PALM2AKAP2: variants seen among roughly 807,000 people sequenced by gnomAD.
The protein encoded by PALM2AKAP2 is PALM2-AKAP2 fusion protein.
In PALM2AKAP2, 37 loss-of-function variants were observed where a neutral mutation model predicts 71.5. The ratio of observed to expected loss-of-function variants is 0.52; its 90% CI spans 0.40 to 0.68. The LOEUF (loss-of-function observed/expected upper bound fraction) is 0.68. Among genes scored for constraint, PALM2AKAP2 ranks in the 30% least tolerant of loss-of-function variants. The probability of loss-of-function intolerance (pLI) is 0.00; values close to 1 mark genes in which losing one functional copy is unlikely to be tolerated. For missense variants in PALM2AKAP2, 1,224 were observed against 1,191.8 expected, an observed-to-expected ratio of 1.03 and a Z score of -0.40; for synonymous variants, 468 against 478.8, an observed-to-expected ratio of 0.98 and a Z score of 0.29.
At chr9:109,649,985 G>A (rs755338929) in intron 1 of PALM2AKAP2, among the ~76,000 whole-genome samples, 25 of 152,184 alleles carry the variant, frequency 1.6e-4, no homozygotes, top group Non-Finnish European at 3.7e-4. Context: ...GAAGAGAGTG[G>A]CAGGGCAAAT....
rs767656859 is a variant in PALM2AKAP2, at chr9:110,136,515, CT to C, written c.546del (p.Val183SerfsTer80). On this transcript the variant is annotated frameshift_variant, in exon 2 of 4. Coordinates refer to ENST00000374525, the Ensembl canonical transcript of PALM2AKAP2. LOFTEE classifies it high-confidence loss of function. The stretch of plus-strand genomic sequence containing the variant: ...GTTCTGGTGGGCGGCCTAAGCCCCC[CT>C]GTCCACGAGGCGACCCAGCCAGAAC... The C allele has an allele frequency of 3.1e-6, 5 of 1,613,716 alleles. No individual in the cohort carries two copies. Among genetic ancestry groups the C allele is most frequent in the African/African-American group, 1.3e-5 (1 of 74,944 alleles).
chr9:109,796,087 G>T (rs1192425738), intron 1 of PALM2AKAP2, among the ~76,000 whole-genome samples: 1 of 152,218 alleles, frequency 6.6e-6, no homozygotes, highest in Non-Finnish European at 1.5e-5. Flanking sequence ...AGCAAGTTTA[G>T]TGACTTTTAG....
upstream of PALM2AKAP2, among the ~76,000 whole-genome samples, chr9:109,780,113 CA>C (rs1829413074): frequency 6.6e-6 from 1 of 151,116 alleles, no homozygotes; most frequent in African/African-American, 2.4e-5. Flanking sequence ...TCGGGTCCAT[CA>C]CACTCCAGGG....
chr9:109,686,408 A>C (rs1185188478), intron 1 of PALM2AKAP2, among the ~76,000 whole-genome samples: 2 of 152,230 alleles, frequency 1.3e-5, no homozygotes, highest in Non-Finnish European at 1.5e-5. Flanking sequence ...TGCAGAATGC[A>C]CATTGTGTTA....
chr9:110,048,468 T>C (rs185997222), upstream of PALM2AKAP2: 48 of 519,122 alleles, frequency 9.2e-5, no homozygotes, highest in African/African-American at 9.1e-4. Flanking sequence ...CCTCCGTCTT[T>C]CCCTCTCTCC....
At chr9:109,681,322 G>A in intron 1 of PALM2AKAP2, among the ~76,000 whole-genome samples, 1 of 152,204 alleles carries the variant, frequency 6.6e-6, no homozygotes, top group Non-Finnish European at 1.5e-5. Flanking sequence ...TTCAATAGCT[G>A]TAATTGGTTA....
At chr9:109,772,494 G>T (rs1034817700) in intron 1 of PALM2AKAP2, among the ~76,000 whole-genome samples, 2 of 152,214 alleles carry the variant, frequency 1.3e-5, no homozygotes, top group African/African-American at 4.8e-5. Flanking sequence ...ACTGACAAAA[G>T]ATCCAAGTTT....
Position 109,731,570 on chromosome 9 carries a change from A to G in PALM2AKAP2, c.6-48918A>G, listed in dbSNP as rs893079340. 2.6e-5 allele frequency among the ~76,000 whole-genome samples: 4 copies of G among 152,336 alleles called. 1 individual carries two copies. Among genetic ancestry groups the G allele is most frequent in the Admixed American group, 2.6e-4 (4 of 15,298 alleles). On this transcript the variant is annotated intron_variant, in intron 1 of 6. Coordinates refer to the PALM2AKAP2 transcript ENST00000374531. ...CTTTGTATAGTCTGATTGCCTGATT[A>G]TCTTTTACCTCAGTGGACATTAGGG...
Position 109,982,274 on chromosome 9 carries a change from G to C in PALM2AKAP2, c.497-33680G>C, listed in dbSNP as rs143490658. On this transcript the variant is annotated intron_variant, in intron 6 of 9. Transcript: ENST00000302798. ...AAACAATTGAACTCATGGACATAGAGAGTAGAAGGATGGTTACCAGAGGCT... is the reference window on the plus strand; with the variant it reads ...AAACAATTGAACTCATGGACATAGACAGTAGAAGGATGGTTACCAGAGGCT... Among the ~76,000 whole-genome samples the C allele has an allele frequency of 1.9e-3, 285 of 152,316 alleles. 1 individual carries two copies. Among genetic ancestry groups the C allele is most frequent in the African/African-American group, 6.5e-3 (269 of 41,570 alleles).
intron 6 of PALM2AKAP2, among the ~76,000 whole-genome samples, chr9:109,993,165 A>C (rs1038131585): frequency 6.9e-6 from 1 of 144,178 alleles, no homozygotes; most frequent in Non-Finnish European, 1.5e-5. Context: ...ACATGACAGA[A>C]TCCTAATTCA....
chr9:109,673,792 G>T (rs905473160), intron 1 of PALM2AKAP2, among the ~76,000 whole-genome samples: 5 of 152,066 alleles, frequency 3.3e-5, no homozygotes, highest in African/African-American at 1.2e-4. Context: ...TGTGTTGGGT[G>T]AATATATATT....
At chr9:110,130,430 T>C (rs949523189) in intron 1 of PALM2AKAP2, among the ~76,000 whole-genome samples, 5 of 152,242 alleles carry the variant, frequency 3.3e-5, no homozygotes, top group Admixed American at 3.3e-4. Context: ...ACCTGTGTTG[T>C]AAATTAAGCC....
intron 6 of PALM2AKAP2, among the ~76,000 whole-genome samples, chr9:110,006,329 T>TCTTTC (rs1832782638): frequency 9.0e-6 from 1 of 111,030 alleles, no homozygotes; most frequent in African/African-American, 3.5e-5. Flanking sequence ...TCCTTCTCTT[T>TCTTTC]CTTTCTTTCT....
intron 2 of PALM2AKAP2, among the ~76,000 whole-genome samples, chr9:110,139,938 G>A (rs976027451): frequency 3.3e-5 from 5 of 152,200 alleles, no homozygotes; most frequent in African/African-American, 4.8e-5. Flanking sequence ...CAAACAGGTA[G>A]CACGTGGTAT....
chr9:109,686,612 CATTTATTTATTT>C (rs34286921), intron 1 of PALM2AKAP2, among the ~76,000 whole-genome samples: 1 of 151,520 alleles, frequency 6.6e-6, no homozygotes, highest in African/African-American at 2.4e-5. Context: ...TTTGTTGTTC[CATTTATTTATTT>C]ATTTATTTAT....
chr9:110,112,957 C>CAA (rs1835283151), intron 1 of PALM2AKAP2, among the ~76,000 whole-genome samples: 1 of 152,276 alleles, frequency 6.6e-6, no homozygotes, highest in African/African-American at 2.4e-5. Context: ...ACCTCATCAT[C>CAA]AACTAAAGTT....
intron 1 of PALM2AKAP2, among the ~76,000 whole-genome samples, chr9:109,747,016 G>C (rs1828813432): frequency 6.6e-6 from 1 of 152,200 alleles, no homozygotes; most frequent in Admixed American, 6.5e-5. Flanking sequence ...ATGGGTAAGA[G>C]GGTTGGAGGA....
At chr9:109,937,598 A>T (rs1831256812) in intron 6 of PALM2AKAP2, among the ~76,000 whole-genome samples, 1 of 152,228 alleles carries the variant, frequency 6.6e-6, no homozygotes, top group East Asian at 1.9e-4. Context: ...AGTAGCAAAT[A>T]TGCTTTATAT....
At chr9:109,669,503 A>G (rs923404902) in intron 1 of PALM2AKAP2, among the ~76,000 whole-genome samples, 7 of 152,064 alleles carry the variant, frequency 4.6e-5, no homozygotes, top group African/African-American at 1.7e-4. Context: ...TTTCTGAAAG[A>G]GTTTAGGTTG....
Sources: gnomAD v4.1 joint callset for allele counts (sites outside exome capture counted in the v4.1 genomes callset) on GRCh38, gnomAD v4.1.1 for gene constraint, MANE v1.5 for transcripts, NCBI Gene and HGNC (gene_info 2026-07-23, HGNC 2026-07-21) for gene names.